FBXO16: variants seen among roughly 807,000 people sequenced by gnomAD.
The protein encoded by FBXO16 is F-box protein 16.
A neutral mutation model predicts 41.0 loss-of-function variants in FBXO16; 31 were observed. The observed-to-expected ratio is 0.76, with a 90% CI of 0.57 to 1.02. FBXO16 has a LOEUF of 1.02. Ranked by LOEUF, FBXO16 falls within the 50% of genes least tolerant of loss-of-function variation. The probability of loss-of-function intolerance (pLI) is 0.00; values close to 1 mark genes in which losing one functional copy is unlikely to be tolerated. For synonymous variants in FBXO16, 133 were observed against 117.8 expected (o/e 1.13, Z -0.84); for missense variants, 361 against 346.2 (o/e 1.04, Z -0.34).
intron 6 of FBXO16, among the ~76,000 whole-genome samples, chr8:28,451,508 T>C (rs1003052034): frequency 1.3e-5 from 2 of 150,064 alleles, no homozygotes; most frequent in African/African-American, 2.4e-5. Flanking sequence ...TACCGACACA[T>C]GCCACCTTAC....
intron 1 of FBXO16, among the ~76,000 whole-genome samples, chr8:28,485,464 T>G (rs1313628950): frequency 6.6e-6 from 1 of 152,234 alleles, no homozygotes; most frequent in Non-Finnish European, 1.5e-5. Context: ...CAAGCCACTG[T>G]GCCCGACCTT....
chr8:28,429,521 C>A, intron 7 of FBXO16, 118 bp from the exon 8 acceptor site: 2 of 1,171,666 alleles, frequency 1.7e-6, no homozygotes, highest in Non-Finnish European at 2.5e-6. Flanking sequence ...ATCTTGGTTC[C>A]AACTGTGCAA....
chr8:28,443,428 G>T (rs1802811105), intron 7 of FBXO16, among the ~76,000 whole-genome samples: 1 of 152,034 alleles, frequency 6.6e-6, no homozygotes, highest in South Asian at 2.1e-4. Flanking sequence ...AAGTGTTCAG[G>T]TCTCAGGTAA....
At chr8:28,435,148 C>T (rs1407673993) in intron 7 of FBXO16, among the ~76,000 whole-genome samples, 1 of 150,770 alleles carries the variant, frequency 6.6e-6, no homozygotes, top group Non-Finnish European at 1.5e-5. Flanking sequence ...GTCACACTGA[C>T]AACTGAAGGG....
intron 7 of FBXO16, among the ~76,000 whole-genome samples, chr8:28,441,753 TA>T (rs779939666): frequency 0.21 from 28,748 of 139,342 alleles, 3,213 homozygotes; most frequent in South Asian, 0.31. Context: ...AAAAAAAAAC[TA>T]AAAAAAAAAT....
intron 5 of FBXO16, among the ~76,000 whole-genome samples, chr8:28,453,468 T>C (rs1047010120): frequency 1.3e-5 from 2 of 151,958 alleles, no homozygotes. Flanking sequence ...AAGAATACTT[T>C]GCTTTAATCT....
At chr8:28,472,281 A>G (rs1164664961) in intron 3 of FBXO16, among the ~76,000 whole-genome samples, 1 of 152,048 alleles carries the variant, frequency 6.6e-6, no homozygotes. Flanking sequence ...TTATTTTTGT[A>G]GATATGGGGT....
intron 3 of FBXO16, among the ~76,000 whole-genome samples, chr8:28,464,359 A>G (rs972688328): frequency 2.0e-5 from 3 of 152,210 alleles, no homozygotes; most frequent in African/African-American, 7.2e-5. Context: ...GAAGAGAGGA[A>G]GTGAATGCCA....
chr8:28,452,621 T>C (rs907673077), intron 5 of FBXO16, 145 bp from the exon 6 acceptor site: 4 of 680,544 alleles, frequency 5.9e-6, no homozygotes, highest in Non-Finnish European at 9.8e-6. Flanking sequence ...GCCAACATGG[T>C]GAAACCCCGT....
intron 7 of FBXO16, among the ~76,000 whole-genome samples, chr8:28,441,953 T>A (rs1393194093): frequency 0.014 from 1,955 of 137,148 alleles, 61 homozygotes; most frequent in African/African-American, 0.056. Context: ...TGTATTTTTT[T>A]TTTTTTTTTT....
At chr8:28,467,899 A>C (rs1803271500) in intron 3 of FBXO16, among the ~76,000 whole-genome samples, 1 of 151,948 alleles carries the variant, frequency 6.6e-6, no homozygotes, top group African/African-American at 2.4e-5. Flanking sequence ...TCTTTGCCTC[A>C]AGGGATTTTC....
rs143166673 is a variant in FBXO16 at position 28,475,142 on chromosome 8, G to C, written c.100-1335C>G. 2.0e-3 allele frequency among the ~76,000 whole-genome samples: 305 copies of C among 152,348 alleles called. 3 individuals are homozygous for C. Among genetic ancestry groups the C allele is most frequent in the African/African-American group, 7.1e-3 (297 of 41,580 alleles). On this transcript the variant is annotated intron_variant, in intron 2 of 8. Transcript: ENST00000380254. ...TGCTGTAAGAATGTCCCCACTTGGA[G>C]AGGTGGCTCAGGCCTATTTCTTCTC...
At chr8:28,452,072 T>C (rs1385939156) in intron 6 of FBXO16, among the ~76,000 whole-genome samples, 172 bp downstream of exon 6, 2 of 151,636 alleles carry the variant, frequency 1.3e-5, no homozygotes, top group African/African-American at 4.8e-5. Context: ...CTGTAACCAA[T>C]AGAGCAAATT....
intron 7 of FBXO16, among the ~76,000 whole-genome samples, chr8:28,437,709 C>T (rs1209381961): frequency 3.3e-5 from 5 of 151,838 alleles, no homozygotes; most frequent in African/African-American, 1.2e-4. Context: ...CCTGTCTCTA[C>T]CAAAATTTGA....
intron 7 of FBXO16, among the ~76,000 whole-genome samples, chr8:28,439,705 C>G (rs1254529464): frequency 6.6e-6 from 1 of 151,014 alleles, no homozygotes; most frequent in East Asian, 1.9e-4. Context: ...GTGATCACGC[C>G]ACTGCACTCC....
At chr8:28,465,636 A>T (rs929720375) in intron 3 of FBXO16, among the ~76,000 whole-genome samples, 1 of 152,006 alleles carries the variant, frequency 6.6e-6, no homozygotes, top group African/African-American at 2.4e-5. Flanking sequence ...AAAAAATAAA[A>T]AATTTTTAAA....
intron 7 of FBXO16, among the ~76,000 whole-genome samples, chr8:28,438,030 T>G (rs545082086): frequency 6.6e-6 from 1 of 152,214 alleles, no homozygotes; most frequent in African/African-American, 2.4e-5. Context: ...AAACTGACTA[T>G]AAGGGCCAGG....
chr8:28,431,364 T>G (rs992976408), intron 7 of FBXO16, among the ~76,000 whole-genome samples: 9 of 152,302 alleles, frequency 5.9e-5, no homozygotes, highest in African/African-American at 9.6e-5. Context: ...CCCTCTTCAT[T>G]TTGAGACTTT....
chr8:28,456,687 G>T, intron 5 of FBXO16, 79 bp downstream of exon 5: 5 of 1,518,740 alleles, frequency 3.3e-6, no homozygotes, highest in Non-Finnish European at 3.6e-6. Flanking sequence ...CCAACTTCCA[G>T]TCTGATCCTT....
Sources: allele counts gnomAD v4.1 joint callset (sites outside exome capture counted in the v4.1 genomes callset), GRCh38; gene constraint gnomAD v4.1.1; transcripts MANE v1.5; gene names NCBI Gene and HGNC (gene_info 2026-07-23, HGNC 2026-07-21).